Variants in BAALC observed in about 807,000 individuals in gnomAD.
The protein encoded by BAALC is brain and acute leukemia cytoplasmic protein.
In BAALC, 9 loss-of-function variants were observed where a neutral mutation model predicts 15.5. That is an observed-to-expected ratio of 0.58 (90% CI 0.35 to 1.02). The LOEUF is 1.02. BAALC is among the 50% of genes least tolerant of loss of function. The pLI, the probability that BAALC is intolerant of heterozygous loss-of-function variation, is 0.02. For synonymous variants in BAALC, 80 were observed against 74.6 expected, an observed-to-expected ratio of 1.07 and a Z score of -0.37; for missense variants, 201 against 192.4, an observed-to-expected ratio of 1.04 and a Z score of -0.27.
chr8:103,197,271 G>C (rs547481665), intron 1 of BAALC, among the ~76,000 whole-genome samples: 1 of 152,124 alleles, frequency 6.6e-6, no homozygotes, highest in Non-Finnish European at 1.5e-5. Context: ...CGGAAGCCTG[G>C]CTCTGGCACC....
intron 1 of BAALC, chr8:103,197,949 T>C (rs1468757169): frequency 7.1e-6 from 4 of 563,074 alleles, no homozygotes; most frequent in Non-Finnish European, 1.3e-5. Context: ...TATATCAGCC[T>C]TCATCCCAAC....
At chr8:103,171,242 AAAG>A (rs1811478976) in intron 1 of BAALC, among the ~76,000 whole-genome samples, 1 of 96,208 alleles carries the variant, frequency 1.0e-5, no homozygotes. Context: ...AGAAAGAAAG[AAAG>A]GAAGGAAGGA....
At chr8:103,175,099 C>A (rs1223237034) in intron 1 of BAALC, among the ~76,000 whole-genome samples, 2 of 152,200 alleles carry the variant, frequency 1.3e-5, no homozygotes, top group Admixed American at 6.5e-5. Flanking sequence ...CCTCTCTGCC[C>A]TCCCTGCCCT....
intron 1 of BAALC, among the ~76,000 whole-genome samples, chr8:103,170,367 T>C (rs947803893): frequency 2.6e-5 from 4 of 152,156 alleles, no homozygotes; most frequent in African/African-American, 9.7e-5. Flanking sequence ...TAACTCCCAG[T>C]ACATGTGAGT....
At chr8:103,157,073 A>C (rs1811109559) in intron 1 of BAALC, 1 of 152,200 alleles carries the variant, frequency 6.6e-6, no homozygotes, top group East Asian at 1.9e-4. Flanking sequence ...TGTGGAATGT[A>C]TATGATATAC....
intron 1 of BAALC, among the ~76,000 whole-genome samples, chr8:103,142,144 A>C (rs1261997822): frequency 6.6e-6 from 1 of 152,266 alleles, no homozygotes; most frequent in Non-Finnish European, 1.5e-5. Flanking sequence ...ATAATGTATA[A>C]CATATGGAAG....
intron 1 of BAALC, among the ~76,000 whole-genome samples, chr8:103,176,273 T>G (rs1811604321): frequency 6.6e-6 from 1 of 152,170 alleles, no homozygotes; most frequent in Admixed American, 6.5e-5. Flanking sequence ...CAGAAAGCAC[T>G]GTTAAATTAA....
rs1812359451 is a variant in BAALC, at chr8:103,207,574, G to A, written c.161-5345G>A. Among the ~76,000 whole-genome samples the A allele has an allele frequency of 2.0e-5, 3 of 152,168 alleles. No homozygotes were observed. The South Asian group carries it at 6.2e-4, about 32-fold the overall frequency. Reference sequence around the variant, plus strand: ...CAGTGATCAACCTTTGTCTTTCCTGGTAGAGAGGGGAAGAAGCCTTTCCTC... The same window carrying A: ...CAGTGATCAACCTTTGTCTTTCCTGATAGAGAGGGGAAGAAGCCTTTCCTC... On this transcript the variant is annotated intron_variant, in intron 1 of 2. Transcript: ENST00000309982.
intron 1 of BAALC, among the ~76,000 whole-genome samples, chr8:103,171,010 C>T (rs1325998471): frequency 6.6e-6 from 1 of 151,982 alleles, no homozygotes; most frequent in Non-Finnish European, 1.5e-5. Context: ...TTATATCTGG[C>T]TAACTTTTAA....
At chr8:103,189,975 G>A (rs1811930288) in intron 1 of BAALC, among the ~76,000 whole-genome samples, 1 of 152,140 alleles carries the variant, frequency 6.6e-6, no homozygotes, top group Non-Finnish European at 1.5e-5. Flanking sequence ...TAGATGAGGT[G>A]AACTGTACCT....
intron 1 of BAALC, among the ~76,000 whole-genome samples, chr8:103,158,075 A>C (rs1450668043): frequency 1.3e-5 from 2 of 152,212 alleles, no homozygotes; most frequent in Non-Finnish European, 2.9e-5. Flanking sequence ...TACAAACAAC[A>C]TCTGCATGTT....
intron 1 of BAALC, chr8:103,157,125 T>TAA (rs1339713468): frequency 6.7e-6 from 1 of 149,804 alleles, no homozygotes; most frequent in Non-Finnish European, 1.5e-5. Context: ...TGTGTGTAGG[T>TAA]ACACACACAC....
At chr8:103,226,545 C>T (rs901102943) in intron 2 of BAALC, among the ~76,000 whole-genome samples, 65 of 152,338 alleles carry the variant, frequency 4.3e-4, no homozygotes, top group South Asian at 4.1e-4. Context: ...CAAGCCCACT[C>T]GTGTTCACCC....
intron 2 of BAALC, chr8:103,219,481 A>G (rs1680423869): frequency 6.6e-6 from 1 of 152,162 alleles, no homozygotes; most frequent in South Asian, 2.1e-4. Flanking sequence ...CTGCCTTCCT[A>G]ATGTCTGATC....
chr8:103,209,294 C>T (rs1268401091), intron 1 of BAALC, among the ~76,000 whole-genome samples: 3 of 152,178 alleles, frequency 2.0e-5, no homozygotes, highest in Non-Finnish European at 4.4e-5. Flanking sequence ...GTTGCTTGAA[C>T]CCAGGAGGCA....
At chr8:103,186,377 A>G (rs1484020612) in intron 1 of BAALC, among the ~76,000 whole-genome samples, 1 of 152,234 alleles carries the variant, frequency 6.6e-6, no homozygotes, top group Non-Finnish European at 1.5e-5. Flanking sequence ...CATAACAAGT[A>G]GGTGGTGATG....
chr8:103,144,550 G>A (rs575517928), intron 1 of BAALC, among the ~76,000 whole-genome samples: 2 of 152,170 alleles, frequency 1.3e-5, no homozygotes, highest in Non-Finnish European at 2.9e-5. Context: ...GAGAAAGGAA[G>A]TCTCTGAGGT....
At chr8:103,192,348 G>A (rs1586417733) in intron 1 of BAALC, among the ~76,000 whole-genome samples, 3 of 152,264 alleles carry the variant, frequency 2.0e-5, no homozygotes, top group South Asian at 2.1e-4. Context: ...CACCGCACCC[G>A]GCCAACTACT....
intron 2 of BAALC, among the ~76,000 whole-genome samples, chr8:103,217,867 C>T (rs1812594295): frequency 6.6e-6 from 1 of 152,178 alleles, no homozygotes; most frequent in Admixed American, 6.5e-5. Flanking sequence ...GGCACTGTTC[C>T]AGTGCCAAGG....
Sources: gnomAD v4.1 joint callset for allele counts (sites outside exome capture counted in the v4.1 genomes callset) on GRCh38, gnomAD v4.1.1 for gene constraint, MANE v1.5 for transcripts, NCBI Gene and HGNC (gene_info 2026-07-23, HGNC 2026-07-21) for gene names.